Variants in HNF1B observed in about 807,000 individuals in gnomAD.
The protein encoded by HNF1B is HNF1 homeobox B, also known as hepatocyte nuclear factor 1-beta.
In HNF1B, 8 loss-of-function variants were observed where a neutral mutation model predicts 61.7. The observed-to-expected ratio is 0.13, with a 90% CI of 0.08 to 0.23. The LOEUF is 0.23. Ranked by LOEUF, HNF1B falls within the 10% of genes least tolerant of loss-of-function variation. The probability of loss-of-function intolerance (pLI) is 1.00; values close to 1 mark genes in which losing one functional copy is unlikely to be tolerated. For missense variants in HNF1B, 562 were observed against 714.5 expected (o/e 0.79, Z 2.43); for synonymous variants, 314 against 287.7 (o/e 1.09, Z -0.93).
At chr17:37,689,146 C>CAAA (rs71368464) in intron 8 of HNF1B, among the ~76,000 whole-genome samples, 187 of 61,148 alleles carry the variant, frequency 3.1e-3, no homozygotes, top group African/African-American at 7.0e-3. Flanking sequence ...CTTGGTCTCA[C>CAAA]AAAAAAAAAA....
chr17:37,710,493 G>C lies in HNF1B; in HGVS notation c.1206+10C>G. On this transcript the variant is annotated intron_variant, in intron 5 of 8. Transcript: ENST00000617811. ...CAGCTCCAGAGCGACAATGGCCCAG[G>C]TGTACTCACCATTTTACCATCAGGT... 1 of 1,614,172 alleles carries C rather than the reference G, an allele frequency of 6.2e-7. No individual in the cohort carries two copies. The highest frequency in any genetic ancestry group is 8.5e-7 in the Non-Finnish European group (1 of 1,179,992).
chr17:37,728,602 G>A (rs1000259172), intron 4 of HNF1B: 7 of 149,144 alleles, frequency 4.7e-5, no homozygotes, highest in Non-Finnish European at 1.0e-4. Context: ...CACCGCACCC[G>A]GCCTTTTTTT....
At chr17:37,735,199 C>T (rs2033798678) in intron 2 of HNF1B, among the ~76,000 whole-genome samples, 1 of 152,164 alleles carries the variant, frequency 6.6e-6, no homozygotes, top group Non-Finnish European at 1.5e-5. Flanking sequence ...TACATGCCAT[C>T]CTTCCTGTTC....
chr17:37,705,760 T>A (rs1179242431), intron 5 of HNF1B, among the ~76,000 whole-genome samples: 2 of 152,182 alleles, frequency 1.3e-5, no homozygotes, highest in Non-Finnish European at 2.9e-5. Context: ...TATGTCTACA[T>A]GTCCTATTAT....
chr17:37,687,011 T>G lies in HNF1B; in HGVS notation c.*361A>C. On this transcript the variant is annotated 3_prime_UTR_variant, in exon 9 of 9. Coordinates refer to ENST00000617811, the MANE Select transcript of HNF1B (RefSeq NM_000458.4). ...AATAGCACATGTCCTTCTCTCCTCA[T>G]TTCAGTAACAGATTCAAGTTTTCGC... is the stretch of plus-strand genomic sequence containing the variant. 2.0e-6 allele frequency: 1 copy of G among 507,770 alleles called. No homozygotes were observed. Among genetic ancestry groups the G allele is most frequent in the Non-Finnish European group, 3.6e-6 (1 of 278,418 alleles). 31.5% of individuals were successfully genotyped at this position (507,770 alleles called of 1,614,324 possible).
intron 2 of HNF1B, among the ~76,000 whole-genome samples, chr17:37,737,451 T>A (rs1434563994): frequency 6.6e-6 from 1 of 152,228 alleles, no homozygotes; most frequent in East Asian, 1.9e-4. Context: ...CTTAGCGTAG[T>A]GTTTGGCACA....
At chr17:37,739,758 C>G in intron 1 of HNF1B, 119 bp from the exon 2 acceptor site, 1 of 992,156 alleles carries the variant, frequency 1.0e-6, no homozygotes, top group Non-Finnish European at 1.6e-6. Context: ...CCCATCTAAG[C>G]TACAACTTTG....
At position 37,705,015 on chromosome 17, in the gene HNF1B, C is replaced by T. The variant is rs2147458161; in HGVS notation, c.1241G>A (p.Ser414Asn). ...SVSGGGLPPV[S>N]TLTNIHSLSH... The stretch of plus-strand genomic sequence containing the variant: ...GAGGCTGTGGATATTCGTCAAGGTG[C>T]TGACTGGGGGCAAACCTCCTCCTGA... Residue 414 changes from serine to asparagine, a missense_variant, in exon 6 of 9, where the codon AGC becomes AAC. By Grantham distance (46) the Ser-to-Asn change is conservative. Around this residue, in one of 6 missense-constraint regions of HNF1B, gnomAD observed 211 missense variants for 200.7 expected, o/e 1.05. Transcript: ENST00000617811. The T allele has an allele frequency of 6.2e-7, 1 of 1,614,052 alleles. No homozygotes were observed. Among genetic ancestry groups the T allele is most frequent in the Non-Finnish European group, 8.5e-7 (1 of 1,179,952 alleles).
At chr17:37,714,377 T>A (rs1429889596) in intron 4 of HNF1B, among the ~76,000 whole-genome samples, 1 of 152,240 alleles carries the variant, frequency 6.6e-6, no homozygotes, top group African/African-American at 2.4e-5. Flanking sequence ...CCTTCACCAA[T>A]GCAAGTTCTT....
intron 4 of HNF1B, among the ~76,000 whole-genome samples, chr17:37,726,801 T>C (rs2033513665): frequency 1.3e-5 from 2 of 152,222 alleles, no homozygotes; most frequent in South Asian, 4.1e-4. Context: ...GAAGGGGCTA[T>C]GGTTCGGGAC....
At chr17:37,717,907 A>C (rs550139821) in intron 4 of HNF1B, among the ~76,000 whole-genome samples, 1 of 152,358 alleles carries the variant, frequency 6.6e-6, no homozygotes, top group Non-Finnish European at 1.5e-5. Flanking sequence ...AAAAATCTGC[A>C]AATGTGGAAG....
At chr17:37,701,305 G>A (rs1252059857) in intron 6 of HNF1B, 128 bp from the exon 7 acceptor site, 2 of 849,766 alleles carry the variant, frequency 2.4e-6, no homozygotes, top group African/African-American at 3.3e-5. Context: ...GAGATTCCAT[G>A]GGAGGCAAGT....
At chr17:37,728,035 G>T (rs35417760) in intron 4 of HNF1B, among the ~76,000 whole-genome samples, 1 of 151,942 alleles carries the variant, frequency 6.6e-6, no homozygotes, top group Non-Finnish European at 1.5e-5. Context: ...CTGTTGCTCA[G>T]GTTGGAGTGG....
At chr17:37,721,375 C>T (rs1183558461) in intron 4 of HNF1B, among the ~76,000 whole-genome samples, 1 of 152,090 alleles carries the variant, frequency 6.6e-6, no homozygotes, top group African/African-American at 2.4e-5. Flanking sequence ...CAATAAAATA[C>T]CACAATGGCA....
At chr17:37,719,886 G>A (rs1180244673) in intron 4 of HNF1B, among the ~76,000 whole-genome samples, 1 of 152,192 alleles carries the variant, frequency 6.6e-6, no homozygotes, top group Non-Finnish European at 1.5e-5. Flanking sequence ...TTGAGGTCTG[G>A]CAAGTGTCAG....
Position 37,705,016 on chromosome 17 carries a change from T to C in HNF1B, c.1240A>G (p.Ser414Gly), listed in dbSNP as rs753301333. 6.2e-7 allele frequency: 1 copy of C among 1,614,078 alleles called. No homozygotes were observed. The highest frequency in any genetic ancestry group is 2.2e-5 in the East Asian group (1 of 44,886). The change falls in exon 6 of 9, where the codon AGC becomes GGC. Residue 414 changes from serine (S) to glycine (G), a missense_variant. By Grantham distance (56) the Ser-to-Gly change is moderately conservative. Around this residue, in one of 6 missense-constraint regions of HNF1B, gnomAD observed 211 missense variants for 200.7 expected, o/e 1.05. Coordinates refer to ENST00000617811, the MANE Select transcript of HNF1B (RefSeq NM_000458.4). ...AGGCTGTGGATATTCGTCAAGGTGCTGACTGGGGGCAAACCTCCTCCTGAG... is the reference window on the plus strand; with the variant it reads ...AGGCTGTGGATATTCGTCAAGGTGCCGACTGGGGGCAAACCTCCTCCTGAG... ...SVSGGGLPPVSTLTNIHSLSH... is the reference protein window; with the variant it reads ...SVSGGGLPPVGTLTNIHSLSH...
Position 37,744,896 on chromosome 17 carries a change from G to A in HNF1B, c.-12C>T. The A allele has an allele frequency of 8.2e-7, 1 of 1,217,606 alleles. No homozygotes were observed. The highest frequency in any genetic ancestry group is 1.2e-6 in the Non-Finnish European group (1 of 862,446). 75.4% of individuals were successfully genotyped at this position (1,217,606 alleles called of 1,614,324 possible). ...AGCTTGGACACCATTTTCCAAGGAC[G>A]GAAAAAGAAGGGGGTGAGGGGGTGG... is the stretch of plus-strand genomic sequence containing the variant. On this transcript the variant is annotated 5_prime_UTR_variant, in exon 1 of 9. Transcript: ENST00000617811.
At chr17:37,728,576 G>A (rs903336538) in intron 4 of HNF1B, 10 of 151,444 alleles carry the variant, frequency 6.6e-5, no homozygotes, top group African/African-American at 2.4e-4. Context: ...AAAGTGCTGG[G>A]ATTACAGGCG....
intron 8 of HNF1B, among the ~76,000 whole-genome samples, chr17:37,695,991 G>A (rs769859166): frequency 2.8e-4 from 43 of 152,158 alleles, no homozygotes; most frequent in Non-Finnish European, 5.7e-4. Flanking sequence ...GATTTGGGAG[G>A]CCAGGGGTGG....
Sources: gnomAD v4.1 joint callset for allele counts (sites outside exome capture counted in the v4.1 genomes callset) on GRCh38, gnomAD v4.1.1 for gene constraint, gnomAD v4.1.1 regional missense constraint, MANE v1.5 for transcripts, NCBI Gene and HGNC (gene_info 2026-07-23, HGNC 2026-07-21) for gene names.